The following FRMPD1 variants were observed in gnomAD, a reference collection of about 807,000 sequenced individuals.
FRMPD1 encodes the protein FERM and PDZ domain-containing protein 1.
In FRMPD1, 76 loss-of-function variants were observed where a neutral mutation model predicts 117.8. The ratio of observed to expected loss-of-function variants is 0.65; its 90% CI spans 0.54 to 0.78. FRMPD1 has a LOEUF of 0.78. FRMPD1 is among the 30% of genes least tolerant of loss of function. FRMPD1 has a pLI of 0.00. For synonymous variants in FRMPD1, 783 were observed against 770.4 expected, an observed-to-expected ratio of 1.02 and a Z score of -0.27; for missense variants, 1,786 against 1,964.5, an observed-to-expected ratio of 0.91 and a Z score of 1.72.
chr9:37,627,426 C>A, the FRMPD1 span, among the ~76,000 whole-genome samples: 3 of 152,180 alleles, frequency 2.0e-5, no homozygotes, highest in African/African-American at 7.2e-5. Context: ...GAGTTAGAGT[C>A]CTCTCCTTTC....
At chr9:37,612,932 GAGGGCAGAACT>G in the FRMPD1 span, among the ~76,000 whole-genome samples, 1 of 152,210 alleles carries the variant, frequency 6.6e-6, no homozygotes, top group Non-Finnish European at 1.5e-5. Context: ...CATGGGTCCA[GAGGGCAGAACT>G]AGGACCAGTA....
At chr9:37,617,055 C>A in the FRMPD1 span, among the ~76,000 whole-genome samples, 1 of 152,226 alleles carries the variant, frequency 6.6e-6, no homozygotes, top group African/African-American at 2.4e-5. Flanking sequence ...TATTGAGCAC[C>A]CACACTATGC....
chr9:37,680,263 A>G (rs1363771349), intron 1 of FRMPD1, among the ~76,000 whole-genome samples: 5 of 152,214 alleles, frequency 3.3e-5, no homozygotes, highest in South Asian at 2.1e-4. Flanking sequence ...TGTGAGGGGC[A>G]TGACGATGCC....
intron 1 of FRMPD1, among the ~76,000 whole-genome samples, chr9:37,674,458 C>T (rs894897908): frequency 6.6e-6 from 1 of 152,188 alleles, no homozygotes; most frequent in Non-Finnish European, 1.5e-5. Context: ...TTCTTCTGAG[C>T]CCTCCAAACT....
chr9:37,686,488 G>A (rs1220063572), intron 1 of FRMPD1, among the ~76,000 whole-genome samples: 1 of 152,180 alleles, frequency 6.6e-6, no homozygotes, highest in Non-Finnish European at 1.5e-5. Flanking sequence ...GCAATCCAGA[G>A]GCTAACATTA....
chr9:37,637,963 G>GCTTGCTTTCTTT, the FRMPD1 span, among the ~76,000 whole-genome samples: 181 of 100,126 alleles, frequency 1.8e-3, 23 homozygotes, highest in Non-Finnish European at 1.7e-3. Flanking sequence ...AATGGTGTAT[G>GCTTGCTTTCTTT]CTTTCTTTCT....
intron 5 of FRMPD1, among the ~76,000 whole-genome samples, chr9:37,718,603 C>T (rs1291054517): frequency 1.3e-5 from 2 of 152,208 alleles, no homozygotes; most frequent in Non-Finnish European, 2.9e-5. Flanking sequence ...TTTCAGGGAA[C>T]CCCGTCTAAC....
chr9:37,731,815 T>C (rs1468924249), intron 9 of FRMPD1, among the ~76,000 whole-genome samples: 1 of 151,858 alleles, frequency 6.6e-6, no homozygotes, highest in Non-Finnish European at 1.5e-5. Context: ...GGTGTTTGCA[T>C]TGAGCCAAGA....
intron 1 of FRMPD1, among the ~76,000 whole-genome samples, chr9:37,690,384 T>A (rs1422444219): frequency 6.7e-6 from 1 of 149,850 alleles, no homozygotes. Flanking sequence ...AAGATTTAAG[T>A]TATAGATTGA....
chr9:37,746,751 GGC>G lies in FRMPD1; in HGVS notation c.4720_4721del (p.Ala1574IlefsTer?). 6.2e-7 allele frequency: 1 copy of G among 1,613,872 alleles called. No individual in the cohort carries two copies. The highest frequency in any genetic ancestry group is 1.1e-5 in the South Asian group (1 of 91,084). On this transcript the variant is annotated frameshift_variant, in exon 16 of 16. Transcript: ENST00000377765. LOFTEE classifies it high-confidence loss of function. The stretch of plus-strand genomic sequence containing the variant: ...TGTTCTGTTTGACCCAGAAGTTCCG[GGC>G]ATCCACGGCCCTGTAAACAGGTCAA... ...AVFCLTQKFR[A>X]STAL
At chr9:37,658,322 C>A (rs1202364376) in intron 1 of FRMPD1, among the ~76,000 whole-genome samples, 1 of 152,192 alleles carries the variant, frequency 6.6e-6, no homozygotes, top group South Asian at 2.1e-4. Context: ...GAACTGCATG[C>A]ACTTTGGCGT....
In FRMPD1 at chr9:37,745,450, G is replaced by T. The variant is rs145045385; in HGVS notation, c.3418G>T (p.Val1140Leu). The T allele has an allele frequency of 1.4e-5, 23 of 1,613,948 alleles. No homozygotes were observed. The East Asian group carries it at 4.9e-4, about 34-fold the overall frequency. Reference protein sequence around the residue: ...RKDSGDSPGDVSNNVSQTLDI... With the variant: ...RKDSGDSPGDLSNNVSQTLDI... ...GGATTCAGGTGACTCCCCGGGTGAT[G>T]TGTCAAATAATGTTTCACAGACTCT... Residue 1140 changes from valine (V) to leucine (L), a missense_variant, in exon 16 of 16, where the codon GTG becomes TTG. Coordinates refer to ENST00000377765, the MANE Select transcript of FRMPD1 (RefSeq NM_014907.3).
At chr9:37,665,371 C>T (rs762849640) in intron 1 of FRMPD1, among the ~76,000 whole-genome samples, 2 of 152,144 alleles carry the variant, frequency 1.3e-5, no homozygotes, top group East Asian at 3.8e-4. Flanking sequence ...AAGAGATAAG[C>T]TTTTGGAGAG....
intron 1 of FRMPD1, among the ~76,000 whole-genome samples, chr9:37,657,138 TAAGAG>T (rs1339178504): frequency 2.0e-5 from 3 of 152,228 alleles, no homozygotes; most frequent in Admixed American, 6.5e-5. Flanking sequence ...ATTTTTGACT[TAAGAG>T]AAGACAGATG....
chr9:37,608,857 C>T, the FRMPD1 span, among the ~76,000 whole-genome samples: 1,366 of 152,252 alleles, frequency 9.0e-3, 18 homozygotes, highest in African/African-American at 0.031. Context: ...TTGTTTAATC[C>T]TCCCAATAAT....
intron 5 of FRMPD1, among the ~76,000 whole-genome samples, chr9:37,716,570 T>C (rs1013259639): frequency 4.6e-5 from 7 of 152,218 alleles, no homozygotes; most frequent in African/African-American, 1.7e-4. Flanking sequence ...TTCCAGGATT[T>C]ATCTCCCGAA....
In FRMPD1 at chr9:37,691,341, CT is replaced by C. The variant is rs60812118; in HGVS notation, c.-4-1296del. ...TTGCTTTCTCCTGTACTTACTGCCCCTAATTCCTGAGCCACTGGGCAAATCA... is the reference window on the plus strand; with the variant it reads ...TTGCTTTCTCCTGTACTTACTGCCCCAATTCCTGAGCCACTGGGCAAATCA... On this transcript the variant is annotated intron_variant, in intron 1 of 15. Coordinates refer to ENST00000377765, the MANE Select transcript of FRMPD1 (RefSeq NM_014907.3). Among the ~76,000 whole-genome samples the C allele has an allele frequency of 1.7e-3, 253 of 152,242 alleles. 2 individuals carry two copies. Among genetic ancestry groups the C allele is most frequent in the African/African-American group, 5.9e-3 (246 of 41,538 alleles).
At position 37,711,374 on chromosome 9, in the gene FRMPD1, C is replaced by A. The variant is rs770117509; in HGVS notation, c.387C>A (p.Ile129=). 1.9e-6 allele frequency: 3 copies of A among 1,610,290 alleles called. No individual in the cohort carries two copies. Among genetic ancestry groups the A allele is most frequent in the Non-Finnish European group, 2.5e-6 (3 of 1,176,544 alleles). Residue 129 remains isoleucine (I), a synonymous_variant, in exon 5 of 16, where the codon ATC becomes ATA. Coordinates refer to ENST00000377765, the MANE Select transcript of FRMPD1 (RefSeq NM_014907.3). ...GGGAAGCAGAAGATTCTCTTTCAATCACAGTTGTTCGCTGCACGTCGGTAA... is the reference window on the plus strand; with the variant it reads ...GGGAAGCAGAAGATTCTCTTTCAATAACAGTTGTTCGCTGCACGTCGGTAA... The part of the protein sequence containing the change: ...ILREAEDSLS[I]TVVRCTSGVP...
In FRMPD1 at chr9:37,740,872, G is replaced by A. The variant is rs752279966; in HGVS notation, c.2344G>A (p.Gly782Ser). 7 of 1,613,802 alleles carry A rather than the reference G, an allele frequency of 4.3e-6. No homozygotes were observed. In the South Asian group the frequency reaches 6.6e-5, roughly 15 times the overall value. Residue 782 changes from glycine (G) to serine (S), a missense_variant, in exon 15 of 16, where the codon GGC becomes AGC. By Grantham distance (56) the Gly-to-Ser change is moderately conservative (BLOSUM62 0). Transcript: ENST00000377765. The surrounding 1 kb of genome is among the most constrained non-coding windows in gnomAD (Gnocchi z 4.2). ...YDAADKLTPP[G>S]PPSGPRDVST... ...CGCGGCTGATAAGCTCACTCCCCCA[G>A]GCCCCCCGTCAGGTGAGCCGTCCCT...
Sources: gnomAD v4.1 joint callset for allele counts (sites outside exome capture counted in the v4.1 genomes callset) on GRCh38, gnomAD v4.1.1 for gene constraint, Gnocchi (gnomAD v3.1) non-coding constraint, MANE v1.5 for transcripts, NCBI Gene and HGNC (gene_info 2026-07-23, HGNC 2026-07-21) for gene names.